PCDH15: variants seen among roughly 807,000 people sequenced by gnomAD.
PCDH15 encodes protocadherin related 15.
A neutral mutation model predicts 178.5 loss-of-function variants in PCDH15; 129 were observed. The observed-to-expected ratio is 0.72, with a 90% CI of 0.63 to 0.84. The LOEUF is 0.84. Among genes scored for constraint, PCDH15 ranks in the 40% least tolerant of loss-of-function variants. PCDH15 has a pLI of 0.00. For synonymous variants in PCDH15, 800 were observed against 732.0 expected, an observed-to-expected ratio of 1.09 and a Z score of -1.50; for missense variants, 2,230 against 2,099.9, an observed-to-expected ratio of 1.06 and a Z score of -1.21.
At chr10:54,941,833 A>C (rs1838070978) in intron 2 of PCDH15, among the ~76,000 whole-genome samples, 1 of 152,154 alleles carries the variant, frequency 6.6e-6, no homozygotes, top group East Asian at 1.9e-4. Flanking sequence ...ATTGTACAAC[A>C]ATCTAATATT....
intron 2 of PCDH15, among the ~76,000 whole-genome samples, chr10:54,960,914 A>G (rs140330030): frequency 2.0e-5 from 3 of 152,372 alleles, no homozygotes; most frequent in East Asian, 3.9e-4. Context: ...AGAACATCCT[A>G]TAACACATAG....
intron 13 of PCDH15, among the ~76,000 whole-genome samples, chr10:54,172,850 T>C (rs2047054526): frequency 6.6e-6 from 1 of 152,120 alleles, no homozygotes; most frequent in Admixed American, 6.5e-5. Context: ...AACCGGACCA[T>C]GAAATTGGAC....
chr10:53,899,149 G>GT (rs386371397), intron 26 of PCDH15, among the ~76,000 whole-genome samples: 2 of 149,484 alleles, frequency 1.3e-5, no homozygotes, highest in Non-Finnish European at 3.0e-5. Context: ...TTTCGGGGGG[G>GT]GGTGGTCTAG....
At chr10:54,291,971 C>CT (rs2059443136) in intron 8 of PCDH15, among the ~76,000 whole-genome samples, 1 of 152,034 alleles carries the variant, frequency 6.6e-6, no homozygotes, top group Non-Finnish European at 1.5e-5. Context: ...ACTCATTTTA[C>CT]GAGGCCAGCA....
At chr10:53,952,770 G>A (rs891182350) in intron 23 of PCDH15, among the ~76,000 whole-genome samples, 2 of 152,230 alleles carry the variant, frequency 1.3e-5, no homozygotes, top group Admixed American at 1.3e-4. Flanking sequence ...CCCCACCTTG[G>A]CTTCTCTCCC....
chr10:55,614,231 C>T (rs996363991), intron 2 of PCDH15, among the ~76,000 whole-genome samples: 1 of 152,002 alleles, frequency 6.6e-6, no homozygotes, highest in Non-Finnish European at 1.5e-5. Flanking sequence ...GTGTAGTAAA[C>T]TCAATCTCTG....
chr10:55,081,990 C>A (rs994802394), intron 2 of PCDH15, among the ~76,000 whole-genome samples: 5 of 151,998 alleles, frequency 3.3e-5, no homozygotes, highest in African/African-American at 1.2e-4. Context: ...GACTTCAACA[C>A]CCCCACTTTT....
intron 1 of PCDH15, among the ~76,000 whole-genome samples, chr10:55,256,906 GA>G (rs1165722719): frequency 6.6e-6 from 1 of 152,192 alleles, no homozygotes; most frequent in Non-Finnish European, 1.5e-5. Context: ...CTGGAGATCT[GA>G]GAATGGACAG....
At chr10:54,221,972 G>C (rs998231865) in intron 9 of PCDH15, among the ~76,000 whole-genome samples, 3 of 152,128 alleles carry the variant, frequency 2.0e-5, no homozygotes, top group African/African-American at 7.2e-5. Flanking sequence ...TGAAGTCCAT[G>C]TTGTTTCATT....
chr10:54,693,064 A>AT (rs1372222524), intron 1 of PCDH15, among the ~76,000 whole-genome samples: 1 of 151,842 alleles, frequency 6.6e-6, no homozygotes, highest in Non-Finnish European at 1.5e-5. Context: ...CCTCGTGTGT[A>AT]TTGTTCCCCT....
intron 1 of PCDH15, among the ~76,000 whole-genome samples, chr10:54,698,379 G>A (rs1236182719): frequency 6.6e-6 from 1 of 152,036 alleles, no homozygotes; most frequent in Non-Finnish European, 1.5e-5. Flanking sequence ...TGTTGCCTTG[G>A]GTTTATTATT....
chr10:54,458,195 A>G (rs927544194), intron 3 of PCDH15, among the ~76,000 whole-genome samples: 1 of 152,064 alleles, frequency 6.6e-6, no homozygotes, highest in African/African-American at 2.4e-5. Flanking sequence ...TAGAGTCTCT[A>G]TTTGTTTCTC....
At chr10:54,086,045 G>A (rs1158066328) in intron 16 of PCDH15, among the ~76,000 whole-genome samples, 1 of 152,078 alleles carries the variant, frequency 6.6e-6, no homozygotes, top group Non-Finnish European at 1.5e-5. Context: ...TAGCGTACCT[G>A]TCTTAGTCCA....
At chr10:54,436,821 A>T (rs1335325820) in intron 3 of PCDH15, among the ~76,000 whole-genome samples, 1 of 152,154 alleles carries the variant, frequency 6.6e-6, no homozygotes, top group African/African-American at 2.4e-5. Context: ...CACAAAATCG[A>T]GATTCAAAAT....
chr10:55,496,054 G>A (rs915879866), intron 2 of PCDH15, among the ~76,000 whole-genome samples: 1 of 151,820 alleles, frequency 6.6e-6, no homozygotes, highest in African/African-American at 2.4e-5. Flanking sequence ...GCTGCAAATG[G>A]GCTGAATATT....
intron 18 of PCDH15, among the ~76,000 whole-genome samples, chr10:54,055,397 T>C (rs1487093287): frequency 1.3e-5 from 2 of 152,230 alleles, no homozygotes; most frequent in African/African-American, 2.4e-5. Context: ...GGAAGTTTAC[T>C]GGGAATCAGC....
intron 11 of PCDH15, chr10:54,189,231 A>C (rs941370312): frequency 1.9e-6 from 1 of 539,048 alleles, no homozygotes. Context: ...AATTTATATA[A>C]AGTATTTGTA....
chr10:54,488,599 T>C (rs1273178487), intron 3 of PCDH15, among the ~76,000 whole-genome samples: 2 of 152,080 alleles, frequency 1.3e-5, no homozygotes, highest in Middle Eastern at 3.4e-3. Flanking sequence ...ATTTAAAATA[T>C]ACTAGAATCA....
Position 55,586,951 on chromosome 10 carries a change from A to G in PCDH15, c.-156+40674T>C, listed in dbSNP as rs1288107012. On this transcript the variant is annotated intron_variant, in intron 2 of 5. Transcript: ENST00000613346. The stretch of plus-strand genomic sequence containing the variant: ...ATTGGGTACATAGGCATCCCTTTTG[A>G]CAAATAAAATCAGAATCTAAACTAC... Among the ~76,000 whole-genome samples the G allele has an allele frequency of 2.0e-5, 3 of 152,116 alleles. No homozygotes were observed. In the East Asian group the frequency reaches 5.8e-4, roughly 29 times the overall value.
Sources: gnomAD v4.1 joint callset for allele counts (sites outside exome capture counted in the v4.1 genomes callset) on GRCh38, gnomAD v4.1.1 for gene constraint, MANE v1.5 for transcripts, NCBI Gene and HGNC (gene_info 2026-07-23, HGNC 2026-07-21) for gene names.